FLYWCH1: variants seen among roughly 807,000 people sequenced by gnomAD.
The protein encoded by FLYWCH1 is FLYWCH-type zinc finger 1, also known as FLYWCH-type zinc finger-containing protein 1.
In FLYWCH1, 75 loss-of-function variants were observed where a neutral mutation model predicts 66.4. The ratio of observed to expected loss-of-function variants is 1.13; its 90% CI spans 0.94 to 1.37. FLYWCH1 has a LOEUF of 1.37. Ranked by LOEUF, FLYWCH1 falls within the 40% of genes most tolerant of loss-of-function variation. The probability of loss-of-function intolerance (pLI) is 0.00; values close to 1 mark genes in which losing one functional copy is unlikely to be tolerated. For synonymous variants in FLYWCH1, 595 were observed against 429.9 expected, an observed-to-expected ratio of 1.38 and a Z score of -4.75; for missense variants, 1,334 against 1,001.8, an observed-to-expected ratio of 1.33 and a Z score of -4.48.
intron 9 of FLYWCH1, among the ~76,000 whole-genome samples, chr16:2,942,146 C>A (rs1342352788): frequency 6.6e-6 from 1 of 151,326 alleles, no homozygotes; most frequent in Non-Finnish European, 1.5e-5. Context: ...AGCAAGAATA[C>A]TGAAAATACT....
At chr16:2,938,591 T>C (rs1346562625) in intron 8 of FLYWCH1, 135 bp downstream of exon 8, 2 of 727,936 alleles carry the variant, frequency 2.7e-6, no homozygotes, top group Admixed American at 3.9e-5. Flanking sequence ...ATAAACAGAA[T>C]GTGAAACCAG....
intron 6 of FLYWCH1, 68 bp from the exon 7 acceptor site, chr16:2,937,053 T>G: frequency 8.0e-7 from 1 of 1,244,110 alleles, no homozygotes. Flanking sequence ...AGGTCTCATC[T>G]CGGGGCCATG....
intron 2 of FLYWCH1, among the ~76,000 whole-genome samples, chr16:2,918,178 C>T (rs1239792015): frequency 1.1e-4 from 15 of 132,222 alleles, no homozygotes; most frequent in African/African-American, 2.9e-4. Context: ...GAGACAGTGT[C>T]GCTCTGTCGC....
intron 2 of FLYWCH1, among the ~76,000 whole-genome samples, chr16:2,919,377 T>G (rs958450807): frequency 6.6e-6 from 1 of 152,086 alleles, no homozygotes; most frequent in East Asian, 1.9e-4. Context: ...GCGATTCTCC[T>G]GCCTCAGCCT....
chr16:2,938,712 A>ACAC (rs1200661330), intron 8 of FLYWCH1, among the ~76,000 whole-genome samples: 1 of 91,770 alleles, frequency 1.1e-5, no homozygotes, highest in African/African-American at 2.9e-5. Flanking sequence ...TCCCGGGTTC[A>ACAC]CACCATTCTC....
intron 9 of FLYWCH1, among the ~76,000 whole-genome samples, chr16:2,942,292 C>CAT (rs1254744992): frequency 6.6e-6 from 1 of 151,894 alleles, no homozygotes; most frequent in Non-Finnish European, 1.5e-5. Context: ...GGACTACATG[C>CAT]ACGCACCACC....
At chr16:2,931,567 G>T (rs1213655064) in intron 4 of FLYWCH1, among the ~76,000 whole-genome samples, 2 of 151,782 alleles carry the variant, frequency 1.3e-5, no homozygotes, top group Admixed American at 6.6e-5. Context: ...AGTGAGCCGG[G>T]ATCACGCCAC....
chr16:2,937,017 T>A, intron 6 of FLYWCH1, 104 bp from the exon 7 acceptor site: 1 of 1,209,556 alleles, frequency 8.3e-7, no homozygotes, highest in Non-Finnish European at 1.1e-6. Flanking sequence ...CACCTCACTG[T>A]GAGGAGGAGG....
intron 4 of FLYWCH1, among the ~76,000 whole-genome samples, chr16:2,931,426 C>G (rs573512472): frequency 2.0e-5 from 3 of 151,916 alleles, no homozygotes; most frequent in South Asian, 4.2e-4. Context: ...GAGTTCAAGA[C>G]CAGCCTGGCC....
chr16:2,940,555 C>T (rs981579866), intron 9 of FLYWCH1, among the ~76,000 whole-genome samples: 1 of 152,198 alleles, frequency 6.6e-6, no homozygotes, highest in Non-Finnish European at 1.5e-5. Context: ...CCTGTCTCAG[C>T]CCCCTGAGTA....
chr16:2,918,305 G>C, intron 2 of FLYWCH1, among the ~76,000 whole-genome samples: 1 of 152,108 alleles, frequency 6.6e-6, no homozygotes, highest in Non-Finnish European at 1.5e-5. Context: ...CCGCCACCGC[G>C]CCCAGCTAAT....
rs560579484 is a variant in FLYWCH1 at position 2,948,935 on chromosome 16, G to A, written c.*208G>A. ...CGGCGGAGAACAGTGCTCAGAGCTGGCGCTTGCAGACGCAGCTGTCGTGGG... is the reference window on the plus strand; with the variant it reads ...CGGCGGAGAACAGTGCTCAGAGCTGACGCTTGCAGACGCAGCTGTCGTGGG... On this transcript the variant is annotated 3_prime_UTR_variant, in exon 10 of 10. Coordinates refer to ENST00000253928, the MANE Select transcript of FLYWCH1 (RefSeq NM_001308068.2). 2.1e-5 allele frequency: 12 copies of A among 567,464 alleles called. No individual in the cohort carries two copies. The East Asian group carries it at 3.6e-4, about 17-fold the overall frequency. The allele number at this position is 567,464 out of a possible 1,614,324, so 35.2% of individuals were successfully genotyped here.
Position 2,933,951 on chromosome 16 carries a change from C to A in FLYWCH1, c.1485C>A (p.Arg495=), listed in dbSNP as rs1388200772. The change falls in exon 6 of 10, where the codon CGC becomes CGA. Residue 495 remains arginine (R), a synonymous_variant. Transcript: ENST00000253928. Reference sequence around the variant, plus strand: ...AGGCCCTGAGGCAGCGGGAGAAACGCCCCAACACGGCGCAGCGGGGGAGCC... The same window carrying A: ...AGGCCCTGAGGCAGCGGGAGAAACGACCCAACACGGCGCAGCGGGGGAGCC... ...GLEALRQREK[R]PNTAQRGSPG... is the part of the protein sequence containing the mutation. 4.5e-6 allele frequency: 7 copies of A among 1,557,104 alleles called. No individual in the cohort carries two copies. The South Asian group carries it at 8.2e-5, about 18-fold the overall frequency.
Position 2,929,634 on chromosome 16 carries a change from G to C in FLYWCH1, c.-52G>C. ...TTAGGACGGAACCACTGCACTCCAG[G>C]TTCCTTGCTGGGTGCTGAGCGTGGC... On this transcript the variant is annotated 5_prime_UTR_variant, in exon 3 of 10. Transcript: ENST00000253928. 6.4e-7 allele frequency: 1 copy of C among 1,557,404 alleles called. No individual in the cohort carries two copies.
At chr16:2,925,579 G>GGT (rs1555483230) in intron 2 of FLYWCH1, among the ~76,000 whole-genome samples, 2 of 133,866 alleles carry the variant, frequency 1.5e-5, no homozygotes, top group East Asian at 2.4e-4. Flanking sequence ...AGTTGCGGGG[G>GGT]GAGGGGGGTA....
At chr16:2,943,157 G>A (rs11076994) in intron 9 of FLYWCH1, among the ~76,000 whole-genome samples, 33,308 of 151,748 alleles carry the variant, frequency 0.22, 4,511 homozygotes, top group Non-Finnish European at 0.3. Flanking sequence ...ATTCAGTCAC[G>A]CAGGCACAAC....
chr16:2,938,063 G>T lies in FLYWCH1; in HGVS notation c.1778-121G>T, dbSNP rs75310238. ...AGAGGGGAGGAGGGCAGGGACCACCGTGCAGCGTGCTAGGGGATCGCAGAT... is the reference window on the plus strand; with the variant it reads ...AGAGGGGAGGAGGGCAGGGACCACCTTGCAGCGTGCTAGGGGATCGCAGAT... On this transcript the variant is annotated intron_variant, in intron 7 of 9. Transcript: ENST00000253928. 4.2e-6 allele frequency: 4 copies of T among 955,046 alleles called. No homozygotes were observed. The East Asian group carries it at 8.0e-5, about 19-fold the overall frequency. The allele number at this position is 955,046 out of a possible 1,614,324, so 59.2% of individuals were successfully genotyped here.
intron 1 of FLYWCH1, among the ~76,000 whole-genome samples, chr16:2,912,733 C>G (rs751936210): frequency 6.8e-4 from 104 of 152,304 alleles, no homozygotes; most frequent in African/African-American, 2.0e-3. Context: ...TCTTCCACCC[C>G]GTTCCAAAAG....
chr16:2,938,790 T>TTTTAG (rs1399914312), intron 8 of FLYWCH1, among the ~76,000 whole-genome samples: 2 of 151,456 alleles, frequency 1.3e-5, no homozygotes, highest in African/African-American at 4.9e-5. Context: ...TTTTTTGTAT[T>TTTTAG]TTTAGTAGAG....
Sources: gnomAD v4.1 joint callset for allele counts (sites outside exome capture counted in the v4.1 genomes callset) on GRCh38, gnomAD v4.1.1 for gene constraint, MANE v1.5 for transcripts, NCBI Gene and HGNC (gene_info 2026-07-23, HGNC 2026-07-21) for gene names.